The following EPC2 variants were observed in gnomAD, a reference collection of about 807,000 sequenced individuals.
EPC2 encodes the protein enhancer of polycomb homolog 2.
In EPC2, 14 loss-of-function variants were observed where a neutral mutation model predicts 92.1. The ratio of observed to expected loss-of-function variants is 0.15; its 90% CI spans 0.10 to 0.24. The LOEUF is 0.24. Among genes scored for constraint, EPC2 ranks in the 10% least tolerant of loss-of-function variants. EPC2 has a pLI of 1.00. For missense variants in EPC2, 755 were observed against 971.5 expected, an observed-to-expected ratio of 0.78 and a Z score of 2.96; for synonymous variants, 340 against 334.7, an observed-to-expected ratio of 1.02 and a Z score of -0.17.
At chr2:148,693,151 T>A (rs1292393239) in intron 2 of EPC2, among the ~76,000 whole-genome samples, 4 of 152,246 alleles carry the variant, frequency 2.6e-5, no homozygotes, top group African/African-American at 9.6e-5. Context: ...AAAAAAAATT[T>A]TTTTTATGTA....
At chr2:148,688,029 T>C (rs1681564865) in intron 1 of EPC2, among the ~76,000 whole-genome samples, 1 of 152,114 alleles carries the variant, frequency 6.6e-6, no homozygotes, top group Non-Finnish European at 1.5e-5. Flanking sequence ...ATCACTGCAC[T>C]AATTCCTTTT....
intron 2 of EPC2, among the ~76,000 whole-genome samples, chr2:148,733,165 T>A (rs1682679753): frequency 6.6e-6 from 1 of 151,594 alleles, no homozygotes; most frequent in Non-Finnish European, 1.5e-5. Context: ...TAATATCACA[T>A]AAGATTGTTT....
At chr2:148,746,356 G>A (rs1450933138) in intron 3 of EPC2, among the ~76,000 whole-genome samples, 1 of 151,824 alleles carries the variant, frequency 6.6e-6, no homozygotes, top group Admixed American at 6.6e-5. Context: ...ATGTAATCTT[G>A]TAATCCTTAT....
At position 148,647,042 on chromosome 2, in the gene EPC2, A is replaced by G. The variant is rs1220698360; in HGVS notation, c.153+1872A>G. ...GAAGAATTGCTTGAACCCGGGAGAA[A>G]GAGGTTGCAGTGAGCAGAGATCGTG... On this transcript the variant is annotated intron_variant, in intron 1 of 13. Coordinates refer to ENST00000258484, the MANE Select transcript of EPC2 (RefSeq NM_015630.4). 3.3e-5 allele frequency among the ~76,000 whole-genome samples: 5 copies of G among 152,132 alleles called. No individual in the cohort carries two copies. The East Asian group carries it at 7.8e-4, about 24-fold the overall frequency.
intron 2 of EPC2, among the ~76,000 whole-genome samples, chr2:148,736,305 T>G (rs1304460004): frequency 1.3e-5 from 2 of 152,204 alleles, no homozygotes; most frequent in Non-Finnish European, 2.9e-5. Flanking sequence ...TCCTTATTGC[T>G]GTTTTTGGGC....
At chr2:148,688,929 G>A (rs1681585973) in intron 1 of EPC2, among the ~76,000 whole-genome samples, 1 of 152,116 alleles carries the variant, frequency 6.6e-6, no homozygotes, top group Non-Finnish European at 1.5e-5. Flanking sequence ...TGGTATGGAG[G>A]AAAGTAAAAC....
At position 148,655,188 on chromosome 2, in the gene EPC2, C is replaced by G. The variant is rs202026650; in HGVS notation, c.153+10018C>G. Among the ~76,000 whole-genome samples the G allele has an allele frequency of 2.6e-4, 39 of 152,244 alleles. No homozygotes were observed. The East Asian group carries it at 6.7e-3, about 26-fold the overall frequency. On this transcript the variant is annotated intron_variant, in intron 1 of 13. Coordinates refer to ENST00000258484, the MANE Select transcript of EPC2 (RefSeq NM_015630.4). ...CAAGTTTATTACATCTATCTTCTGC[C>G]CATTAATTTCTGGAACTTTCTAGTT... is the stretch of plus-strand genomic sequence containing the variant.
At chr2:148,735,389 A>G (rs982487097) in intron 2 of EPC2, among the ~76,000 whole-genome samples, 8 of 152,168 alleles carry the variant, frequency 5.3e-5, no homozygotes, top group Admixed American at 3.3e-4. Context: ...CCTCTTATCA[A>G]TCACAAAAGA....
At position 148,766,783 on chromosome 2, in the gene EPC2, TTAAG is replaced by T. The variant is rs548187918; in HGVS notation, c.1140+1642_1140+1645del. Among the ~76,000 whole-genome samples, 97 of 152,330 alleles carry T rather than the reference TTAAG, an allele frequency of 6.4e-4. 1 individual carries two copies. Among genetic ancestry groups the T allele is most frequent in the African/African-American group, 1.8e-3 (73 of 41,582 alleles). ...ACATACTGGGAAATTATTTAAAATG[TTAAG>T]TAAGAAAATGACATAGTTAGATAAA... On this transcript the variant is annotated intron_variant, in intron 7 of 13. Coordinates refer to ENST00000258484, the MANE Select transcript of EPC2 (RefSeq NM_015630.4).
intron 1 of EPC2, among the ~76,000 whole-genome samples, chr2:148,668,086 A>G (rs1376096270): frequency 1.3e-5 from 2 of 152,064 alleles, no homozygotes; most frequent in Non-Finnish European, 2.9e-5. Flanking sequence ...TTTAGTAGAG[A>G]CAGTCTTTCA....
chr2:148,660,903 T>C (rs759258367), intron 1 of EPC2, among the ~76,000 whole-genome samples: 2 of 152,178 alleles, frequency 1.3e-5, no homozygotes, highest in Non-Finnish European at 2.9e-5. Context: ...TGCAAGAAAC[T>C]GTTTAAATCA....
intron 2 of EPC2, among the ~76,000 whole-genome samples, chr2:148,719,929 G>T (rs1460255855): frequency 6.6e-6 from 1 of 152,226 alleles, no homozygotes; most frequent in African/African-American, 2.4e-5. Flanking sequence ...TAGAACATGG[G>T]TGGTGACTAG....
At chr2:148,695,935 T>G (rs576024743) in intron 2 of EPC2, among the ~76,000 whole-genome samples, 1 of 152,322 alleles carries the variant, frequency 6.6e-6, no homozygotes, top group South Asian at 2.1e-4. Context: ...TTTCAGGTGA[T>G]TAGAAGGGAC....
intron 2 of EPC2, among the ~76,000 whole-genome samples, chr2:148,694,919 C>T (rs570059339): frequency 2.0e-5 from 3 of 152,240 alleles, no homozygotes; most frequent in South Asian, 2.1e-4. Context: ...ATCACGGGTG[C>T]GTGCCACCAC....
chr2:148,676,872 T>TGG lies in EPC2; in HGVS notation c.154-13333_154-13332dup, dbSNP rs70995327. On this transcript the variant is annotated intron_variant, in intron 1 of 13. Transcript: ENST00000258484. ...TATAGCCATTATTACCCACTTTTTT[T>TGG]GGGGGGGGGGTTGAATTCCATAAAC... Among the ~76,000 whole-genome samples, 376 of 141,656 alleles carry TGG rather than the reference T, an allele frequency of 2.7e-3. 2 individuals are homozygous for TGG. The highest frequency in any genetic ancestry group is 9.1e-3 in the African/African-American group (341 of 37,568). 92.9% of individuals were successfully genotyped at this position (141,656 alleles called of 152,430 possible). A position where few individuals can be genotyped will look rare whatever the true frequency, so the allele number is the denominator to read the frequency against.
chr2:148,716,747 G>A (rs1404554816), intron 2 of EPC2, among the ~76,000 whole-genome samples: 1 of 152,134 alleles, frequency 6.6e-6, no homozygotes, highest in Non-Finnish European at 1.5e-5. Flanking sequence ...GGATGATGCA[G>A]GCCTTATGGA....
intron 1 of EPC2, 83 bp downstream of exon 1, chr2:148,645,253 T>C: frequency 5.6e-6 from 7 of 1,240,082 alleles, no homozygotes; most frequent in Non-Finnish European, 7.8e-6. Context: ...CACAGAGCGC[T>C]TTACGCTCGC....
intron 2 of EPC2, among the ~76,000 whole-genome samples, chr2:148,694,020 T>C (rs34668082): frequency 0.19 from 29,101 of 152,170 alleles, 3,690 homozygotes; most frequent in East Asian, 0.48. Context: ...ACAGTACTTA[T>C]AGCATGTGGT....
chr2:148,737,686 G>A (rs1477890025), intron 2 of EPC2, among the ~76,000 whole-genome samples: 2 of 152,134 alleles, frequency 1.3e-5, no homozygotes, highest in Admixed American at 1.3e-4. Context: ...GAGGGAAAGA[G>A]TAACTGTTGA....
Sources: allele counts gnomAD v4.1 joint callset (sites outside exome capture counted in the v4.1 genomes callset), GRCh38; gene constraint gnomAD v4.1.1; transcripts MANE v1.5; gene names NCBI Gene and HGNC (gene_info 2026-07-23, HGNC 2026-07-21).